Variants in TMEM135 observed in about 807,000 individuals in gnomAD.
The protein encoded by TMEM135 is peroxisomal membrane protein 52.
Under a neutral mutation model 60.3 loss-of-function variants are expected in TMEM135, and 30 were observed. That is an observed-to-expected ratio of 0.50 (90% CI 0.37 to 0.68). TMEM135 has a LOEUF of 0.68. Ranked by LOEUF, TMEM135 falls within the 30% of genes least tolerant of loss-of-function variation. The probability of loss-of-function intolerance (pLI) is 0.00; values close to 1 mark genes in which losing one functional copy is unlikely to be tolerated. For missense variants in TMEM135, 468 were observed against 548.8 expected (o/e 0.85, Z 1.47); for synonymous variants, 190 against 186.7 (o/e 1.02, Z -0.14).
intron 6 of TMEM135, among the ~76,000 whole-genome samples, chr11:87,274,967 T>C (rs11235074): frequency 0.37 from 55,179 of 150,928 alleles, 10,761 homozygotes; most frequent in Non-Finnish European, 0.43. Context: ...AGACATCTTT[T>C]GTATTTCTAG....
chr11:87,245,243 C>G (rs190582798), intron 6 of TMEM135, among the ~76,000 whole-genome samples: 3,183 of 151,412 alleles, frequency 0.021, 49 homozygotes, highest in Middle Eastern at 0.041. Flanking sequence ...TGTTCTTTTA[C>G]ATTTGCTGAG....
In TMEM135 at chr11:87,314,548, G is replaced by C; in HGVS notation, c.1077+1G>C. ...GTATTTAGCGTCCAAATTGGTAGAG[G>C]TAAGCGAAATTTTTGTGCAAGAATA... On this transcript the variant is annotated splice_donor_variant, in intron 12 of 14. Coordinates refer to ENST00000305494, the MANE Select transcript of TMEM135 (RefSeq NM_022918.4). LOFTEE classifies it high-confidence loss of function. 1 of 1,610,122 alleles carries C rather than the reference G, an allele frequency of 6.2e-7. No homozygotes were observed. The highest frequency in any genetic ancestry group is 8.5e-7 in the Non-Finnish European group (1 of 1,177,304).
chr11:87,223,663 GCACGCACACACACA>G (rs1940697674), intron 5 of TMEM135, among the ~76,000 whole-genome samples: 1 of 130,862 alleles, frequency 7.6e-6, no homozygotes, highest in Non-Finnish European at 1.7e-5. Context: ...ATACGCACAT[GCACGCACACACACA>G]CACACACACA....
intron 2 of TMEM135, among the ~76,000 whole-genome samples, chr11:87,068,508 G>A (rs892829340): frequency 1.3e-5 from 2 of 152,064 alleles, no homozygotes; most frequent in Non-Finnish European, 2.9e-5. Context: ...TATTTTAACT[G>A]CAATTAAAAG....
intron 4 of TMEM135, 44 bp from the exon 5 acceptor site, chr11:87,157,297 T>G: frequency 6.5e-7 from 1 of 1,536,050 alleles, no homozygotes; most frequent in Non-Finnish European, 9.0e-7. Context: ...TGAGGAGAGA[T>G]TGTAGATCAT....
intron 6 of TMEM135, among the ~76,000 whole-genome samples, chr11:87,285,605 G>A (rs1591168846): frequency 6.6e-6 from 1 of 152,190 alleles, no homozygotes; most frequent in East Asian, 1.9e-4. Context: ...CTGGCCTCAG[G>A]AGTGAAGCTG....
intron 5 of TMEM135, among the ~76,000 whole-genome samples, chr11:87,159,617 A>ACACACACACACACACCCCCCCCC (rs140303858): frequency 1.1e-4 from 17 of 149,454 alleles, no homozygotes; most frequent in Admixed American, 1.0e-3. Flanking sequence ...ACACACACAC[A>ACACACACACACACACCCCCCCCC]CCATAGATTT....
Position 87,071,523 on chromosome 11 carries a change from G to A in TMEM135, c.270G>A (p.Arg90=). 6.2e-7 allele frequency: 1 copy of A among 1,613,588 alleles called. No individual in the cohort carries two copies. ...CAAAAATTCCAAATTTGAATTTCAG[G>A]AAGATACTTGGAAAATTCTACTCAT... is the stretch of plus-strand genomic sequence containing the variant. ...ALYMAFFCIL[R]KILGKFYSWT... The change falls in exon 3 of 15, where the codon AGG becomes AGA. Residue 90 remains arginine, a splice_region_variant and synonymous_variant. Coordinates refer to ENST00000305494, the MANE Select transcript of TMEM135 (RefSeq NM_022918.4).
At chr11:87,274,367 T>C (rs1941928789) in intron 6 of TMEM135, among the ~76,000 whole-genome samples, 1 of 151,868 alleles carries the variant, frequency 6.6e-6, no homozygotes, top group South Asian at 2.1e-4. Flanking sequence ...CTTATAACAG[T>C]CTCTGCCCTC....
Position 87,111,090 on chromosome 11 carries a change from C to T in TMEM135, c.396+19695C>T, listed in dbSNP as rs77803364. 6.5e-3 allele frequency among the ~76,000 whole-genome samples: 982 copies of T among 152,248 alleles called. 6 individuals carry two copies. The highest frequency in any genetic ancestry group is 0.012 in the Non-Finnish European group (814 of 68,018). On this transcript the variant is annotated intron_variant, in intron 4 of 14. Coordinates refer to ENST00000305494, the MANE Select transcript of TMEM135 (RefSeq NM_022918.4). The stretch of plus-strand genomic sequence containing the variant: ...AAGTCTTAAAATGTAGTTTCCTAAA[C>T]ATAGCTATAGAGTATATGTAGAAGC...
intron 5 of TMEM135, among the ~76,000 whole-genome samples, chr11:87,172,591 T>C (rs899657037): frequency 5.3e-5 from 8 of 151,970 alleles, no homozygotes; most frequent in African/African-American, 1.9e-4. Flanking sequence ...GACTCTTTGT[T>C]AGGGATTTCT....
At chr11:87,227,458 C>T (rs1249591567) in intron 5 of TMEM135, among the ~76,000 whole-genome samples, 1 of 151,974 alleles carries the variant, frequency 6.6e-6, no homozygotes, top group South Asian at 2.1e-4. Context: ...GCTCTAAATG[C>T]TCTTTAAGAT....
chr11:87,183,334 G>T (rs1429101872), intron 5 of TMEM135, among the ~76,000 whole-genome samples: 1 of 150,886 alleles, frequency 6.6e-6, no homozygotes, highest in Non-Finnish European at 1.5e-5. Context: ...GTAGTGACGG[G>T]GTTTCACCAT....
intron 1 of TMEM135, 36 bp downstream of exon 1, chr11:87,038,222 G>A (rs777818683): frequency 1.2e-6 from 2 of 1,613,494 alleles, no homozygotes; most frequent in Non-Finnish European, 1.7e-6. Flanking sequence ...GGCGAGTTTA[G>A]TCTGGAAGAT....
intron 2 of TMEM135, among the ~76,000 whole-genome samples, chr11:87,070,072 T>C (rs1856746504): frequency 6.6e-6 from 1 of 151,894 alleles, no homozygotes; most frequent in South Asian, 2.1e-4. Context: ...CTTGGGAGGC[T>C]GAGGCCAGGA....
rs747544835 is a variant in TMEM135 at position 87,321,350 on chromosome 11, T to C, written c.*17T>C. 2.5e-6 allele frequency: 4 copies of C among 1,613,278 alleles called. No homozygotes were observed. The highest frequency in any genetic ancestry group is 1.7e-5 in the Admixed American group (1 of 59,954). The stretch of plus-strand genomic sequence containing the variant: ...TTTTCCTGAAGATGACTGTAACTTA[T>C]TAATGTGACTAAATGTTTCATCTTG... On this transcript the variant is annotated 3_prime_UTR_variant, in exon 15 of 15. Coordinates refer to ENST00000305494, the MANE Select transcript of TMEM135 (RefSeq NM_022918.4).
intron 6 of TMEM135, among the ~76,000 whole-genome samples, chr11:87,286,443 G>A (rs139337799): frequency 6.6e-6 from 1 of 152,346 alleles, no homozygotes; most frequent in Non-Finnish European, 1.5e-5. Flanking sequence ...CGACTCAGGA[G>A]CCCAGCTGGC....
At chr11:87,200,934 T>G in intron 5 of TMEM135, among the ~76,000 whole-genome samples, 1 of 152,264 alleles carries the variant, frequency 6.6e-6, no homozygotes, top group South Asian at 2.1e-4. Flanking sequence ...AAATATTTAA[T>G]AATAGGCATT....
intron 5 of TMEM135, among the ~76,000 whole-genome samples, chr11:87,160,836 A>G (rs1446721111): frequency 1.3e-5 from 2 of 152,168 alleles, no homozygotes; most frequent in Non-Finnish European, 2.9e-5. Context: ...AGTCCTGTAT[A>G]AGGAGTAGCT....
Sources: gnomAD v4.1 joint callset for allele counts (sites outside exome capture counted in the v4.1 genomes callset) on GRCh38, gnomAD v4.1.1 for gene constraint, MANE v1.5 for transcripts, NCBI Gene and HGNC (gene_info 2026-07-23, HGNC 2026-07-21) for gene names.